The following TUT4 variants were observed in gnomAD, a reference collection of about 807,000 sequenced individuals.
TUT4 encodes terminal uridylyltransferase 4.
Under a neutral mutation model 192.2 loss-of-function variants are expected in TUT4, and 36 were observed. The ratio of observed to expected loss-of-function variants is 0.19; its 90% CI spans 0.14 to 0.25. The LOEUF is 0.25. Ranked by LOEUF, TUT4 falls within the 10% of genes least tolerant of loss-of-function variation. The pLI, the probability that TUT4 is intolerant of heterozygous loss-of-function variation, is 1.00. For synonymous variants in TUT4, 618 were observed against 666.0 expected (o/e 0.93, Z 1.11); for missense variants, 1,493 against 1,957.2 (o/e 0.76, Z 4.47).
intron 3 of TUT4, among the ~76,000 whole-genome samples, chr1:52,512,448 T>A (rs1263164860): frequency 6.6e-6 from 1 of 152,204 alleles, no homozygotes; most frequent in Non-Finnish European, 1.5e-5. Flanking sequence ...TATCCAAGGT[T>A]ATCCAACCAA....
intron 4 of TUT4, among the ~76,000 whole-genome samples, chr1:52,500,808 T>C (rs1216639646): frequency 6.6e-6 from 1 of 151,926 alleles, no homozygotes; most frequent in African/African-American, 2.4e-5. Flanking sequence ...TGGTGGCACA[T>C]GCTTGTGGTC....
At chr1:52,502,726 C>A (rs1370946362) in intron 4 of TUT4, among the ~76,000 whole-genome samples, 1 of 147,778 alleles carries the variant, frequency 6.8e-6, no homozygotes, top group Admixed American at 6.9e-5. Flanking sequence ...CAGATACAAG[C>A]GCTCCTCCAC....
chr1:52,450,505 C>T (rs1659065374), intron 20 of TUT4, among the ~76,000 whole-genome samples: 1 of 152,124 alleles, frequency 6.6e-6, no homozygotes. Flanking sequence ...GTCCTACCTA[C>T]ATTTTTCCAA....
intron 7 of TUT4, 29 bp downstream of exon 7, chr1:52,493,582 A>C: frequency 7.1e-7 from 1 of 1,400,780 alleles, no homozygotes; most frequent in Non-Finnish European, 9.8e-7. Context: ...TTAAAAAAAA[A>C]AAAGAAAAGA....
chr1:52,532,546 A>G (rs1414600825), intron 1 of TUT4, among the ~76,000 whole-genome samples: 1 of 152,130 alleles, frequency 6.6e-6, no homozygotes, highest in Non-Finnish European at 1.5e-5. Context: ...CCTGGGCTCA[A>G]GCGATCCTGC....
At chr1:52,514,150 T>C (rs17365027) in intron 3 of TUT4, among the ~76,000 whole-genome samples, 1 of 152,060 alleles carries the variant, frequency 6.6e-6, no homozygotes, top group Non-Finnish European at 1.5e-5. Context: ...AAGACATAAC[T>C]AAGTAAAAGG....
intron 1 of TUT4, among the ~76,000 whole-genome samples, chr1:52,541,087 T>A (rs1686496639): frequency 6.6e-6 from 1 of 151,556 alleles, no homozygotes; most frequent in Non-Finnish European, 1.5e-5. Flanking sequence ...ACACCTGTAA[T>A]CTCAACTACT....
intron 4 of TUT4, among the ~76,000 whole-genome samples, chr1:52,498,478 T>C (rs1042145811): frequency 4.6e-5 from 7 of 152,062 alleles, no homozygotes; most frequent in South Asian, 2.1e-4. Context: ...TCTGCTGACC[T>C]CGTGGTCCAC....
chr1:52,525,670 C>A lies in TUT4; in HGVS notation c.611G>T (p.Cys204Phe). ...AGATCGTGGTGAGTTTTGCAGAGCA[C>A]ATTTTTCTCCCCCTACAGCTTCAAT... is the stretch of plus-strand genomic sequence containing the variant. ...VNIEAVGGEK[C>F]ALQNSPRSQK... Residue 204 changes from cysteine to phenylalanine, a missense_variant, in exon 2 of 30, where the codon TGT becomes TTT. By Grantham distance (205) the Cys-to-Phe change is radical. Transcript: ENST00000257177. 6.2e-7 allele frequency: 1 copy of A among 1,614,144 alleles called. No individual in the cohort carries two copies. The highest frequency in any genetic ancestry group is 8.5e-7 in the Non-Finnish European group (1 of 1,180,014).
chr1:52,475,022 T>G lies in TUT4; in HGVS notation c.2537A>C (p.Lys846Thr). The G allele has an allele frequency of 6.2e-7, 1 of 1,614,148 alleles. No homozygotes were observed. Among genetic ancestry groups the G allele is most frequent in the Non-Finnish European group, 8.5e-7 (1 of 1,180,012 alleles). ...IDLSKSPDPD[K>T]STGTDCRSNL... is the part of the protein sequence containing the mutation. ...TGACCTGCAGTCTGTTCCAGTAGATTTATCTGGGTCAGGCGACTTAGACAA... is the reference window on the plus strand; with the variant it reads ...TGACCTGCAGTCTGTTCCAGTAGATGTATCTGGGTCAGGCGACTTAGACAA... The change falls in exon 13 of 30, where the codon AAA (lysine) becomes ACA (threonine). Residue 846 changes from lysine (K) to threonine (T), a missense_variant. Around this residue, in one of 7 missense-constraint regions of TUT4, gnomAD observed 245 missense variants for 218.4 expected, o/e 1.12. Coordinates refer to ENST00000257177, the MANE Select transcript of TUT4 (RefSeq NM_001009881.3).
chr1:52,492,720 G>A (rs763509048), intron 7 of TUT4, among the ~76,000 whole-genome samples: 18 of 152,164 alleles, frequency 1.2e-4, no homozygotes, highest in Non-Finnish European at 1.5e-4. Context: ...CTTGAAGATT[G>A]TAACACATGA....
intron 15 of TUT4, among the ~76,000 whole-genome samples, chr1:52,466,658 AAATATAT>A (rs1262902587): frequency 5.2e-5 from 7 of 135,814 alleles, no homozygotes; most frequent in African/African-American, 2.2e-4. Flanking sequence ...AAAAAAAAAA[AAATATAT>A]ATATATATAT....
At chr1:52,465,667 T>G (rs1444141560) in intron 15 of TUT4, among the ~76,000 whole-genome samples, 1 of 152,248 alleles carries the variant, frequency 6.6e-6, no homozygotes, top group East Asian at 1.9e-4. Flanking sequence ...GACTGCCCTC[T>G]TAAAAATAAA....
chr1:52,522,711 A>T lies in TUT4; in HGVS notation c.718+2852T>A, dbSNP rs541162432. 1.4e-4 allele frequency among the ~76,000 whole-genome samples: 21 copies of T among 152,238 alleles called. No homozygotes were observed. In the South Asian group the frequency reaches 4.3e-3, roughly 32 times the overall value. On this transcript the variant is annotated intron_variant, in intron 2 of 29. Transcript: ENST00000257177. ...GAGGCTGAGGCAGGCGGATCACCTG[A>T]GGTCAGGAGTCTGAGATCAGCCTGG...
intron 20 of TUT4, among the ~76,000 whole-genome samples, chr1:52,450,448 T>A (rs948724636): frequency 1.3e-5 from 2 of 152,332 alleles, no homozygotes; most frequent in Admixed American, 6.5e-5. Context: ...ATTAAGCAGA[T>A]GTCTGTTAAA....
chr1:52,504,410 T>A (rs1340641121), intron 4 of TUT4, among the ~76,000 whole-genome samples: 1 of 152,016 alleles, frequency 6.6e-6, no homozygotes, highest in Non-Finnish European at 1.5e-5. Context: ...CGCGGGTGGA[T>A]CAGGAGGTCA....
chr1:52,471,266 C>T (rs374895534), intron 14 of TUT4, among the ~76,000 whole-genome samples: 3 of 152,156 alleles, frequency 2.0e-5, no homozygotes, highest in African/African-American at 7.2e-5. Flanking sequence ...CGGCCCACCT[C>T]GGCCTCCCAA....
chr1:52,513,393 C>CAAAAAAAAAAAA lies in TUT4; in HGVS notation c.882+2486_882+2497dup, dbSNP rs554170439. Among the ~76,000 whole-genome samples the CAAAAAAAAAAAA allele has an allele frequency of 2.2e-3, 92 of 42,074 alleles. 10 individuals carry two copies. The highest frequency in any genetic ancestry group is 0.015 in the Middle Eastern group (1 of 68). 27.6% of individuals were successfully genotyped at this position (42,074 alleles called of 152,430 possible). On this transcript the variant is annotated intron_variant, in intron 3 of 29. Transcript: ENST00000257177. The stretch of plus-strand genomic sequence containing the variant: ...GGGCAACCAGAATGAGACCCTGTCT[C>CAAAAAAAAAAAA]AAAAAAAAAAAAAAAAAAAAAGTAC...
chr1:52,459,193 G>A (rs957998015), intron 19 of TUT4, among the ~76,000 whole-genome samples: 2 of 152,148 alleles, frequency 1.3e-5, no homozygotes, highest in East Asian at 1.9e-4. Context: ...GGCTGAGGCA[G>A]GAGAATGGCG....
Sources: gnomAD v4.1 joint callset for allele counts (sites outside exome capture counted in the v4.1 genomes callset) on GRCh38, gnomAD v4.1.1 for gene constraint, gnomAD v4.1.1 regional missense constraint, MANE v1.5 for transcripts, NCBI Gene and HGNC (gene_info 2026-07-23, HGNC 2026-07-21) for gene names.